Variants in PAQR8 observed in about 807,000 individuals in gnomAD.
PAQR8 encodes the protein membrane progestin receptor beta.
PAQR8 carries 17 observed loss-of-function variants against 25.2 expected under a neutral mutation model. The ratio of observed to expected loss-of-function variants is 0.67; its 90% CI spans 0.46 to 1.01. The LOEUF is 1.01. Among genes scored for constraint, PAQR8 ranks in the 50% least tolerant of loss-of-function variants. PAQR8 has a pLI of 0.00. For synonymous variants in PAQR8, 204 were observed against 190.6 expected (o/e 1.07, Z -0.58); for missense variants, 392 against 448.4 (o/e 0.87, Z 1.14).
At chr6:52,368,114 C>CTGT (rs1763374230) in intron 1 of PAQR8, among the ~76,000 whole-genome samples, 1 of 152,090 alleles carries the variant, frequency 6.6e-6, no homozygotes, top group Non-Finnish European at 1.5e-5. Context: ...CCTGTAGTCC[C>CTGT]AACTACTTGG....
intron 1 of PAQR8, among the ~76,000 whole-genome samples, chr6:52,376,749 C>T (rs1289215703): frequency 3.3e-5 from 5 of 152,128 alleles, no homozygotes; most frequent in African/African-American, 1.2e-4. Flanking sequence ...TCTTTATTTT[C>T]TGCATCTTTT....
chr6:52,402,644 G>GA (rs1440833884), intron 1 of PAQR8, among the ~76,000 whole-genome samples: 1 of 144,268 alleles, frequency 6.9e-6, no homozygotes. Flanking sequence ...AAGAAAGAAA[G>GA]AAAAAAAAGA....
At chr6:52,395,073 C>G (rs1293717631) in intron 1 of PAQR8, among the ~76,000 whole-genome samples, 2 of 151,936 alleles carry the variant, frequency 1.3e-5, no homozygotes, top group Non-Finnish European at 1.5e-5. Context: ...TTGAGACCAG[C>G]CTGACTAATA....
rs113994476 is a variant in PAQR8, at chr6:52,391,087, C to T, written c.-52-12075C>T. ...ATATTGTTTTGATTATATGCACTTC[C>T]ATACTTCATCTGTACCATGTTTGTA... is the stretch of plus-strand genomic sequence containing the variant. On this transcript the variant is annotated intron_variant, in intron 1 of 1. Transcript: ENST00000442253. Among the ~76,000 whole-genome samples the T allele has an allele frequency of 8.0e-3, 1,218 of 152,330 alleles. 17 individuals carry two copies. Among genetic ancestry groups the T allele is most frequent in the African/African-American group, 0.027 (1,136 of 41,560 alleles).
rs762627448 is a variant in PAQR8, at chr6:52,403,559, A to G, written c.346A>G (p.Ile116Val). The change falls in exon 2 of 2, where the codon ATC (isoleucine) becomes GTC (valine). Residue 116 changes from isoleucine to valine, a missense_variant. Transcript: ENST00000442253. ...STHSLPLLLF[I>V]LSSITYLTCS... ...CCACTCCCTGCCTCTGCTCCTCTTCATCCTGTCGTCAATCACTTACCTCAC... is the reference window on the plus strand; with the variant it reads ...CCACTCCCTGCCTCTGCTCCTCTTCGTCCTGTCGTCAATCACTTACCTCAC... The G allele has an allele frequency of 2.5e-6, 4 of 1,613,972 alleles. No homozygotes were observed. The highest frequency in any genetic ancestry group is 3.4e-6 in the Non-Finnish European group (4 of 1,179,990).
chr6:52,401,756 T>G (rs1562434645), intron 1 of PAQR8, among the ~76,000 whole-genome samples: 2 of 152,336 alleles, frequency 1.3e-5, no homozygotes, highest in South Asian at 4.1e-4. Context: ...AGTCAGTTGC[T>G]CACCTCATAT....
intron 1 of PAQR8, among the ~76,000 whole-genome samples, chr6:52,374,331 T>C (rs1763456815): frequency 1.3e-5 from 2 of 152,238 alleles, no homozygotes; most frequent in Admixed American, 6.5e-5. Context: ...TGCTTAATAG[T>C]TTCCTTTGTC....
intron 1 of PAQR8, among the ~76,000 whole-genome samples, chr6:52,396,054 T>C (rs910310848): frequency 2.6e-5 from 4 of 152,238 alleles, no homozygotes; most frequent in Non-Finnish European, 5.9e-5. Context: ...ATAAGGTGTC[T>C]TCTATATGCC....
At chr6:52,382,146 C>A (rs1763568602) in intron 1 of PAQR8, among the ~76,000 whole-genome samples, 1 of 152,142 alleles carries the variant, frequency 6.6e-6, no homozygotes, top group Admixed American at 6.5e-5. Context: ...AACTACAGAA[C>A]AAGGTTGTAT....
At chr6:52,401,828 G>A (rs1763833619) in intron 1 of PAQR8, among the ~76,000 whole-genome samples, 1 of 152,112 alleles carries the variant, frequency 6.6e-6, no homozygotes, top group East Asian at 1.9e-4. Context: ...AAGAAATACA[G>A]TCTATCATTA....
intron 1 of PAQR8, among the ~76,000 whole-genome samples, chr6:52,387,706 G>C (rs1763649011): frequency 6.6e-6 from 1 of 152,214 alleles, no homozygotes; most frequent in Non-Finnish European, 1.5e-5. Context: ...ACCTAGATCA[G>C]GGATCCCCCA....
At position 52,404,254 on chromosome 6, in the gene PAQR8, C is replaced by T; in HGVS notation, c.1041C>T (p.Ala347=). The T allele has an allele frequency of 2.5e-6, 4 of 1,601,260 alleles. No homozygotes were observed. The highest frequency in any genetic ancestry group is 3.4e-6 in the Non-Finnish European group (4 of 1,169,818). ...TAALLRHKVK[A]RLTKKDS ...CCCTTCTGAGGCACAAAGTCAAGGC[C>T]AGACTGACCAAGAAAGATTCCTGAG... The change falls in exon 2 of 2, where the codon GCC becomes GCT. Residue 347 remains alanine (A), a synonymous_variant. Transcript: ENST00000442253.
At chr6:52,398,960 C>T (rs1355628397) in intron 1 of PAQR8, among the ~76,000 whole-genome samples, 1 of 151,438 alleles carries the variant, frequency 6.6e-6, no homozygotes, top group Non-Finnish European at 1.5e-5. Context: ...GTGGTTGTAT[C>T]CCTGGACTCT....
Position 52,362,278 on chromosome 6 carries a change from G to A in PAQR8, c.-53+29G>A, listed in dbSNP as rs1200684638. 2 of 152,218 alleles carry A rather than the reference G, an allele frequency of 1.3e-5. No individual in the cohort carries two copies. Among genetic ancestry groups the A allele is most frequent in the Admixed American group, 1.3e-4 (2 of 15,276 alleles). The allele number at this position is 152,218 out of a possible 1,614,324, so 9.4% of individuals were successfully genotyped here. A position where few individuals can be genotyped will look rare whatever the true frequency, so the allele number is the denominator to read the frequency against. On this transcript the variant is annotated intron_variant, in intron 1 of 1. Coordinates refer to ENST00000442253, the MANE Select transcript of PAQR8 (RefSeq NM_133367.5). This position sits in a 1 kb window ranked among gnomAD's most constrained non-coding sequence, Gnocchi z 4.1. ...AGTCCCGCCGCGGGAGGCGCGGAAC[G>A]GGTCGAGTTGGGTATTGGGACCGCG... is the stretch of plus-strand genomic sequence containing the variant.
In PAQR8 at chr6:52,406,287, G is replaced by A; in HGVS notation, c.*2009G>A. The A allele has an allele frequency of 2.5e-6, 1 of 406,752 alleles. No individual in the cohort carries two copies. Among genetic ancestry groups the A allele is most frequent in the Non-Finnish European group, 4.5e-6 (1 of 222,414 alleles). 25.2% of individuals were successfully genotyped at this position (406,752 alleles called of 1,614,324 possible). A position where few individuals can be genotyped will look rare whatever the true frequency, so the allele number is the denominator to read the frequency against. Reference sequence around the variant, plus strand: ...AAAGACTTATTTTGAAAGTTGGAAGGAGAAGGGAGGGAAGAGAGCAGAAGG... The same window carrying A: ...AAAGACTTATTTTGAAAGTTGGAAGAAGAAGGGAGGGAAGAGAGCAGAAGG... On this transcript the variant is annotated 3_prime_UTR_variant, in exon 2 of 2. Coordinates refer to ENST00000442253, the MANE Select transcript of PAQR8 (RefSeq NM_133367.5).
chr6:52,398,110 A>T (rs1763787134), intron 1 of PAQR8, among the ~76,000 whole-genome samples: 5 of 152,098 alleles, frequency 3.3e-5, no homozygotes. Flanking sequence ...TTCATGGCAG[A>T]GGAAGAGGTG....
At chr6:52,388,434 C>A (rs1763658703) in intron 1 of PAQR8, among the ~76,000 whole-genome samples, 1 of 151,962 alleles carries the variant, frequency 6.6e-6, no homozygotes, top group South Asian at 2.1e-4. Flanking sequence ...AAACCATACT[C>A]CTCAACCCCC....
chr6:52,378,990 G>A (rs1334191048), intron 1 of PAQR8, among the ~76,000 whole-genome samples: 8 of 151,332 alleles, frequency 5.3e-5, no homozygotes, highest in African/African-American at 9.7e-5. Flanking sequence ...CCAGCTACTC[G>A]GGAAGCTGAG....
In PAQR8 at chr6:52,406,737, A is replaced by AT. The variant is rs1175406549; in HGVS notation, c.*2465dup. Reference sequence around the variant, plus strand: ...GCCACCACACCTGGCTAATTTTTGCATTTTTTGTAGAGACAGGGTTTTGCC... The same window carrying AT: ...GCCACCACACCTGGCTAATTTTTGCATTTTTTTGTAGAGACAGGGTTTTGCC... On this transcript the variant is annotated 3_prime_UTR_variant, in exon 2 of 2. Transcript: ENST00000442253. The AT allele has an allele frequency of 5.0e-6, 2 of 399,442 alleles. No individual in the cohort carries two copies. Among genetic ancestry groups the AT allele is most frequent in the East Asian group, 7.3e-5 (2 of 27,340 alleles). The allele number at this position is 399,442 out of a possible 1,614,324, so 24.7% of individuals were successfully genotyped here. A position where few individuals can be genotyped will look rare whatever the true frequency, so the allele number is the denominator to read the frequency against.
Sources: gnomAD v4.1 joint callset for allele counts (sites outside exome capture counted in the v4.1 genomes callset) on GRCh38, gnomAD v4.1.1 for gene constraint, Gnocchi (gnomAD v3.1) non-coding constraint, MANE v1.5 for transcripts, NCBI Gene and HGNC (gene_info 2026-07-23, HGNC 2026-07-21) for gene names.